WRAP73: variants seen among roughly 807,000 people sequenced by gnomAD.
The protein encoded by WRAP73 is WD repeat-containing protein WRAP73.
WRAP73 carries 55 observed loss-of-function variants against 59.6 expected under a neutral mutation model. That is an observed-to-expected ratio of 0.92 (90% CI 0.74 to 1.15). The LOEUF (loss-of-function observed/expected upper bound fraction) is 1.15. WRAP73 is among the 50% of genes most tolerant of loss of function. The probability of loss-of-function intolerance (pLI) is 0.00; values close to 1 mark genes in which losing one functional copy is unlikely to be tolerated. For synonymous variants in WRAP73, 265 were observed against 258.2 expected (o/e 1.03, Z -0.25); for missense variants, 592 against 608.1 (o/e 0.97, Z 0.28).
rs539246025 is a variant in WRAP73 at position 3,632,298 on chromosome 1, T to G, written c.963A>C (p.Lys321Asn). 3.1e-6 allele frequency: 5 copies of G among 1,614,088 alleles called. No homozygotes were observed. The highest frequency in any genetic ancestry group is 4.2e-6 in the Non-Finnish European group (5 of 1,180,010). The change falls in exon 10 of 12, where the codon AAA becomes AAC. Residue 321 changes from lysine to asparagine, a missense_variant. Lys to Asn is a moderately conservative substitution (Grantham distance 94). Coordinates refer to ENST00000270708, the MANE Select transcript of WRAP73 (RefSeq NM_017818.4). ...TCGGGTTTGCTCTGTCGGTAACAGG[T>G]TTCAGTGTCTGTAAGGAGACTGGGA... is the stretch of plus-strand genomic sequence containing the variant. ...ASVPVSLQTL[K>N]PVTDRANPKI... is the part of the protein sequence containing the mutation.
chr1:3,637,163 A>G, intron 4 of WRAP73, 65 bp from the exon 5 acceptor site: 1 of 1,361,282 alleles, frequency 7.3e-7, no homozygotes, highest in South Asian at 1.3e-5. Context: ...AAACCACAGT[A>G]GTAATTCACA....
intron 3 of WRAP73, among the ~76,000 whole-genome samples, chr1:3,645,218 G>GA (rs1183403891): frequency 6.6e-6 from 1 of 152,220 alleles, no homozygotes; most frequent in Non-Finnish European, 1.5e-5. Context: ...ATGCCAGCTT[G>GA]AAAAAAGCCG....
chr1:3,650,078 G>T lies in WRAP73; in HGVS notation c.-79C>A, dbSNP rs1337302687. On this transcript the variant is annotated 5_prime_UTR_variant, in exon 1 of 12. Coordinates refer to ENST00000270708, the MANE Select transcript of WRAP73 (RefSeq NM_017818.4). ...GGGCGCGCAGCAGGCTGCAACAGCC[G>T]ACGCCGGCCTCCGAGGCCGGAAGTC... is the stretch of plus-strand genomic sequence containing the variant. 1.3e-5 allele frequency: 19 copies of T among 1,412,746 alleles called. No individual in the cohort carries two copies. The highest frequency in any genetic ancestry group is 1.7e-5 in the Non-Finnish European group (18 of 1,058,002). The allele number at this position is 1,412,746 out of a possible 1,614,324, so 87.5% of individuals were successfully genotyped here.
In WRAP73 at chr1:3,636,908, G is replaced by A. The variant is rs750008137; in HGVS notation, c.516+87C>T. ...TCACCTTGCTCCATATCCTACCAAA[G>A]ATCCCCTGGAATCTGGAAGGATCTA... is the stretch of plus-strand genomic sequence containing the variant. On this transcript the variant is annotated intron_variant, in intron 5 of 11. Transcript: ENST00000270708. 2.3e-5 allele frequency: 31 copies of A among 1,353,592 alleles called. No homozygotes were observed. The East Asian group carries it at 7.3e-4, about 32-fold the overall frequency. The allele number at this position is 1,353,592 out of a possible 1,614,324, so 83.8% of individuals were successfully genotyped here. A position where few individuals can be genotyped will look rare whatever the true frequency, so the allele number is the denominator to read the frequency against.
At chr1:3,636,294 C>A (rs1298277137) in intron 5 of WRAP73, 6 of 477,334 alleles carry the variant, frequency 1.3e-5, no homozygotes, top group Non-Finnish European at 1.9e-5. Context: ...CACTCTCCCC[C>A]TCACCTTTCC....
chr1:3,633,498 C>T lies in WRAP73; in HGVS notation c.822G>A (p.Val274=). The change falls in exon 9 of 12, where the codon GTG becomes GTA. Residue 274 remains valine (V), a synonymous_variant. Coordinates refer to ENST00000270708, the MANE Select transcript of WRAP73 (RefSeq NM_017818.4). ...GTGGGCTCTTCTCGGCCTCCTTATACACCACCTGAAAGACACAAGGTGGCC... is the reference window on the plus strand; with the variant it reads ...GTGGGCTCTTCTCGGCCTCCTTATATACCACCTGAAAGACACAAGGTGGCC... The part of the protein sequence containing the change: ...PAAINDPKIV[V]YKEAEKSPQL... 6.3e-7 allele frequency: 1 copy of T among 1,598,090 alleles called. No individual in the cohort carries two copies. Among genetic ancestry groups the T allele is most frequent in the Non-Finnish European group, 8.5e-7 (1 of 1,174,970 alleles).
In WRAP73 at chr1:3,646,687, A is replaced by C; in HGVS notation, c.318T>G (p.Ile106Met). 6.2e-7 allele frequency: 1 copy of C among 1,603,268 alleles called. No homozygotes were observed. Among genetic ancestry groups the C allele is most frequent in the Non-Finnish European group, 8.5e-7 (1 of 1,172,542 alleles). The part of the protein sequence containing the change: ...ASCWSPDGRH[I>M]LNTTEFHLRI... Reference sequence around the variant, plus strand: ...TTACATGGAATTCCGTGGTGTTGAGAATGTGGCGCCCGTCCGGGCTCCAGC... The same window carrying C: ...TTACATGGAATTCCGTGGTGTTGAGCATGTGGCGCCCGTCCGGGCTCCAGC... The change falls in exon 3 of 12, where the codon ATT becomes ATG. Residue 106 changes from isoleucine to methionine, a missense_variant. By Grantham distance (10) the Ile-to-Met change is conservative (BLOSUM62 1). Coordinates refer to ENST00000270708, the MANE Select transcript of WRAP73 (RefSeq NM_017818.4). The surrounding 1 kb of genome is among the most constrained non-coding windows in gnomAD (Gnocchi z 5.1).
rs1644535186 is a variant in WRAP73, at chr1:3,631,630, C to T, written c.1076G>A (p.Trp359Ter). The T allele has an allele frequency of 1.3e-6, 2 of 1,599,226 alleles. No homozygotes were observed. The highest frequency in any genetic ancestry group is 1.7e-6 in the Non-Finnish European group (2 of 1,177,864). Residue 359 changes from tryptophan (W) to a stop codon, truncating the protein, a stop_gained, in exon 11 of 12, where the codon TGG becomes TAG. Coordinates refer to ENST00000270708, the MANE Select transcript of WRAP73 (RefSeq NM_017818.4). LOFTEE classifies it high-confidence loss of function. ...NDNIPNAVWV[W>*]DIQKLRLFAV... ...GAACAGCCTCAGCTTCTGAATGTCC[C>T]AGACCCAGACGGCATTGGGAATGTT...
chr1:3,636,027 A>G lies in WRAP73; in HGVS notation c.520T>C (p.Phe174Leu), dbSNP rs1644586303. The change falls in exon 6 of 12, where the codon TTT (phenylalanine) becomes CTT (leucine). Residue 174 changes from phenylalanine to leucine, a missense_variant. Phe to Leu is a conservative substitution (Grantham distance 22). Transcript: ENST00000270708. ...GTGAGATCCTGGGTGTCCGTATCAA[A>G]ATGCTTCCAAAGGAAGGGGGGGAAA... ...VCSDWQLLRH[F>L]DTDTQDLTGI... The G allele has an allele frequency of 6.2e-7, 1 of 1,613,584 alleles. No individual in the cohort carries two copies. Among genetic ancestry groups the G allele is most frequent in the Non-Finnish European group, 8.5e-7 (1 of 1,179,698 alleles).
At chr1:3,632,368 T>C (rs776037321) in intron 9 of WRAP73, 30 bp from the exon 10 acceptor site, 1 of 1,613,904 alleles carries the variant, frequency 6.2e-7, no homozygotes, top group South Asian at 1.1e-5. Flanking sequence ...AACACGCCAT[T>C]GTCACCCTTT....
chr1:3,647,391 G>C lies in WRAP73; in HGVS notation c.222+17C>G, dbSNP rs375548330. 208 of 1,602,378 alleles carry C rather than the reference G, an allele frequency of 1.3e-4. No individual in the cohort carries two copies. The highest frequency in any genetic ancestry group is 1.7e-4 in the Non-Finnish European group (200 of 1,174,310). ...CTCAGAAGGTGTCCAGATTCTAAGC[G>C]ACACGGCAGCACACACCTGCACCAG... On this transcript the variant is annotated intron_variant, in intron 2 of 11. Transcript: ENST00000270708.
chr1:3,635,079 G>A lies in WRAP73; in HGVS notation c.739-5C>T. 6.2e-7 allele frequency: 1 copy of A among 1,614,210 alleles called. No homozygotes were observed. The highest frequency in any genetic ancestry group is 1.1e-5 in the South Asian group (1 of 91,090). On this transcript the variant is annotated splice_region_variant and splice_polypyrimidine_tract_variant and intron_variant, in intron 7 of 11. Coordinates refer to ENST00000270708, the MANE Select transcript of WRAP73 (RefSeq NM_017818.4). ...CACGTGATTAAGGATGCGCACCTGA[G>A]GAAGGAAACCATGCACAGGTGAGGC...
intron 5 of WRAP73, chr1:3,636,640 T>C (rs1452300925): frequency 8.0e-6 from 3 of 377,276 alleles, no homozygotes; most frequent in Non-Finnish European, 1.0e-5. Context: ...CCTGGGCACC[T>C]GGCAGAGCGC....
intron 1 of WRAP73, among the ~76,000 whole-genome samples, chr1:3,648,941 T>C (rs573033868): frequency 3.9e-4 from 59 of 152,220 alleles, no homozygotes; most frequent in Non-Finnish European, 7.5e-4. Context: ...AAAAACGTAA[T>C]TTGAGAGTTA....
At chr1:3,644,888 C>T (rs982317654) in intron 3 of WRAP73, among the ~76,000 whole-genome samples, 2 of 152,164 alleles carry the variant, frequency 1.3e-5, no homozygotes, top group Non-Finnish European at 2.9e-5. Flanking sequence ...CAAGGCTGAC[C>T]CCATGACATG....
rs201491183 is a variant in WRAP73 at position 3,632,347 on chromosome 1, C to T, written c.923-9G>A. 2,715 of 1,614,096 alleles carry T rather than the reference C, an allele frequency of 1.7e-3. 24 individuals carry two copies. The highest frequency in any genetic ancestry group is 0.01 in the South Asian group (946 of 91,088). ...GACAGAGGCGATCTCATCTAGAACACCAACAGGAAGAACACGCCATTGTCA... is the reference window on the plus strand; with the variant it reads ...GACAGAGGCGATCTCATCTAGAACATCAACAGGAAGAACACGCCATTGTCA... On this transcript the variant is annotated splice_polypyrimidine_tract_variant and intron_variant, in intron 9 of 11. Transcript: ENST00000270708.
At chr1:3,642,686 T>C (rs1216228187) in intron 3 of WRAP73, among the ~76,000 whole-genome samples, 1 of 147,498 alleles carries the variant, frequency 6.8e-6, no homozygotes, top group Admixed American at 6.8e-5. Context: ...GCGGTGAGCT[T>C]GGATCACACC....
rs779706358 is a variant in WRAP73, at chr1:3,646,673, T to G, written c.332A>C (p.Glu111Ala). ...CTTGGGGCTGACACTTACATGGAATTCCGTGGTGTTGAGAATGTGGCGCCC... is the reference window on the plus strand; with the variant it reads ...CTTGGGGCTGACACTTACATGGAATGCCGTGGTGTTGAGAATGTGGCGCCC... The part of the protein sequence containing the change: ...PDGRHILNTT[E>A]FHLRITVWSL... Residue 111 changes from glutamate to alanine, a missense_variant, in exon 3 of 12, where the codon GAA (glutamate) becomes GCA (alanine). Physicochemically the swap from Glu to Ala is moderately radical, Grantham distance 107. Transcript: ENST00000270708. This position sits in a 1 kb window ranked among gnomAD's most constrained non-coding sequence, Gnocchi z 5.1. 1 of 1,596,772 alleles carries G rather than the reference T, an allele frequency of 6.3e-7. No individual in the cohort carries two copies. Among genetic ancestry groups the G allele is most frequent in the Non-Finnish European group, 8.6e-7 (1 of 1,167,940 alleles).
chr1:3,637,409 G>A (rs1644599162), intron 4 of WRAP73, among the ~76,000 whole-genome samples: 1 of 149,706 alleles, frequency 6.7e-6, no homozygotes, highest in East Asian at 2.0e-4. Flanking sequence ...AAATATGAGT[G>A]AGAAACACAG....
Sources: allele counts gnomAD v4.1 joint callset (sites outside exome capture counted in the v4.1 genomes callset), GRCh38; gene constraint gnomAD v4.1.1; non-coding constraint Gnocchi (gnomAD v3.1); transcripts MANE v1.5; gene names NCBI Gene and HGNC (gene_info 2026-07-23, HGNC 2026-07-21).